The following MRPL30 variants were observed in gnomAD, a reference collection of about 807,000 sequenced individuals.
MRPL30 encodes large ribosomal subunit protein uL30m.
In MRPL30, 10 loss-of-function variants were observed where a neutral mutation model predicts 17.2. The ratio of observed to expected loss-of-function variants is 0.58; its 90% confidence interval spans 0.36 to 0.99. MRPL30 has a LOEUF of 0.99. Ranked by LOEUF, MRPL30 falls within the 50% of genes least tolerant of loss-of-function variation. The probability of loss-of-function intolerance (pLI) is 0.01; values close to 1 mark genes in which losing one functional copy is unlikely to be tolerated. For synonymous variants in MRPL30, 61 were observed against 62.1 expected, an observed-to-expected ratio of 0.98 and a Z score of 0.08; for missense variants, 170 against 189.8, an observed-to-expected ratio of 0.90 and a Z score of 0.61.
intron 1 of MRPL30, among the ~76,000 whole-genome samples, chr2:99,182,872 G>A (rs2093927611): frequency 6.6e-6 from 1 of 152,160 alleles, no homozygotes; most frequent in Admixed American, 6.5e-5. Context: ...CTTTTCCTAT[G>A]GAATTAGCGT....
At chr2:99,195,233 T>C (rs747484614) in intron 5 of MRPL30, 44 bp downstream of exon 5, 5 of 1,501,558 alleles carry the variant, frequency 3.3e-6, no homozygotes, top group Non-Finnish European at 4.5e-6. Context: ...TATTGCCTAG[T>C]GTAATTCTAA....
chr2:99,188,363 G>A, intron 3 of MRPL30, 106 bp downstream of exon 3: 1 of 784,916 alleles, frequency 1.3e-6, no homozygotes, highest in Non-Finnish European at 2.0e-6. Context: ...ATTATATGTG[G>A]ATGTAGGTGA....
intron 1 of MRPL30, among the ~76,000 whole-genome samples, chr2:99,185,547 AAT>A (rs1325353948): frequency 6.6e-6 from 1 of 152,220 alleles, no homozygotes; most frequent in Admixed American, 6.5e-5. Context: ...TTTTGTGTGT[AAT>A]TAAATAAATA....
intron 3 of MRPL30, among the ~76,000 whole-genome samples, chr2:99,192,876 A>C (rs1050037323): frequency 5.3e-5 from 8 of 152,230 alleles, no homozygotes; most frequent in African/African-American, 1.9e-4. Flanking sequence ...TAAAAACCTC[A>C]GAAGAAAACC....
chr2:99,195,517 G>T, intron 5 of MRPL30, 56 bp from the exon 6 acceptor site: 12 of 1,543,522 alleles, frequency 7.8e-6, no homozygotes, highest in South Asian at 1.2e-5. Flanking sequence ...ATCCTGCGGG[G>T]ATATAGAACG....
chr2:99,195,412 C>T, intron 5 of MRPL30, 161 bp from the exon 6 acceptor site: 13 of 899,152 alleles, frequency 1.4e-5, no homozygotes, highest in Non-Finnish European at 1.9e-5. Flanking sequence ...ATTGGCATAT[C>T]CATCATCTCA....
chr2:99,183,560 C>T (rs2093929320), intron 1 of MRPL30, among the ~76,000 whole-genome samples: 1 of 128,524 alleles, frequency 7.8e-6, no homozygotes, highest in African/African-American at 2.7e-5. Context: ...CAAAGCGAGA[C>T]TCTGTCTCAA....
chr2:99,185,124 A>C (rs986731083), intron 1 of MRPL30, among the ~76,000 whole-genome samples: 9 of 152,320 alleles, frequency 5.9e-5, no homozygotes, highest in African/African-American at 2.2e-4. Flanking sequence ...TGAACTGTGC[A>C]TGCAAGGGAT....
Position 99,186,228 on chromosome 2 carries a change from G to A in MRPL30, c.25G>A (p.Val9Ile), listed in dbSNP as rs2093933788. 1.3e-5 allele frequency: 21 copies of A among 1,614,076 alleles called. No individual in the cohort carries two copies. Among genetic ancestry groups the A allele is most frequent in the Non-Finnish European group, 1.6e-5 (19 of 1,179,972 alleles). Reference protein sequence around the residue: MAGILRLVVQWPPGRLQTV... With the variant: MAGILRLVIQWPPGRLQTV... ...TATGGCTGGGATTTTGCGCTTAGTA[G>A]TTCAATGGCCCCCAGGCAGACTACA... Residue 9 changes from valine to isoleucine, a missense_variant, in exon 2 of 6, where the codon GTT (valine) becomes ATT (isoleucine). Val to Ile is a conservative substitution (Grantham distance 29, BLOSUM62 3). Coordinates refer to ENST00000338148, the MANE Select transcript of MRPL30 (RefSeq NM_145212.4).
At chr2:99,190,365 G>GA (rs1177779768) in intron 3 of MRPL30, among the ~76,000 whole-genome samples, 3 of 152,062 alleles carry the variant, frequency 2.0e-5, no homozygotes, top group Non-Finnish European at 4.4e-5. Flanking sequence ...TTCAAGACCA[G>GA]CCTGGGCAAC....
At chr2:99,194,993 A>G (rs1449203414) in intron 4 of MRPL30, 96 bp downstream of exon 4, 1 of 1,360,232 alleles carries the variant, frequency 7.4e-7, no homozygotes, top group Non-Finnish European at 9.9e-7. Context: ...TTTATTTTGT[A>G]TTACTTAGGG....
rs568582414 is a variant in MRPL30, at chr2:99,195,731, A to AT, written c.*27dup. 9 of 1,605,304 alleles carry AT rather than the reference A, an allele frequency of 5.6e-6. No individual in the cohort carries two copies. The highest frequency in any genetic ancestry group is 7.6e-6 in the Non-Finnish European group (9 of 1,178,080). ...TGCCCCAGCAGCTTCCGATTGGAAAATGCAAATTGTTTTTATTTAAAGATG... is the reference window on the plus strand; with the variant it reads ...TGCCCCAGCAGCTTCCGATTGGAAAATTGCAAATTGTTTTTATTTAAAGATG... On this transcript the variant is annotated 3_prime_UTR_variant, in exon 6 of 6. Coordinates refer to ENST00000338148, the MANE Select transcript of MRPL30 (RefSeq NM_145212.4).
At chr2:99,186,680 T>C (rs1221681346) in intron 2 of MRPL30, among the ~76,000 whole-genome samples, 1 of 152,186 alleles carries the variant, frequency 6.6e-6, no homozygotes, top group Non-Finnish European at 1.5e-5. Context: ...TGCTGTTTTA[T>C]CCCTAAAGAT....
At chr2:99,181,977 A>G (rs893433625) in intron 1 of MRPL30, among the ~76,000 whole-genome samples, 1 of 151,750 alleles carries the variant, frequency 6.6e-6, no homozygotes, top group African/African-American at 2.4e-5. Context: ...TTCCTGTTGC[A>G]TGCATGCTCA....
intron 2 of MRPL30, among the ~76,000 whole-genome samples, 174 bp from the exon 3 acceptor site, chr2:99,188,003 C>T (rs2093936882): frequency 6.6e-6 from 1 of 152,038 alleles, no homozygotes; most frequent in South Asian, 2.1e-4. Context: ...ATGCTTTTAG[C>T]TTTATATTAT....
chr2:99,191,889 C>G (rs572082101), intron 3 of MRPL30, among the ~76,000 whole-genome samples: 6 of 152,132 alleles, frequency 3.9e-5, no homozygotes, highest in Non-Finnish European at 8.8e-5. Flanking sequence ...AACCACTTGC[C>G]TTTCCAAAAT....
intron 1 of MRPL30, among the ~76,000 whole-genome samples, chr2:99,184,136 T>G (rs2093930279): frequency 6.6e-6 from 1 of 152,272 alleles, no homozygotes; most frequent in African/African-American, 2.4e-5. Flanking sequence ...ACTTTGTTAC[T>G]TATTTTGTTG....
At chr2:99,187,827 CAAA>C (rs1045956887) in intron 2 of MRPL30, among the ~76,000 whole-genome samples, 1 of 130,984 alleles carries the variant, frequency 7.6e-6, no homozygotes, top group Non-Finnish European at 1.6e-5. Flanking sequence ...GACTCCGTCT[CAAA>C]AAAAAAAAAA....
intron 1 of MRPL30, among the ~76,000 whole-genome samples, chr2:99,184,210 T>A (rs140015460): frequency 1.4e-3 from 216 of 152,324 alleles, no homozygotes; most frequent in Admixed American, 2.9e-3. Context: ...CCCATCGTTA[T>A]GTTTTTTCCA....
Sources: allele counts gnomAD v4.1 joint callset (sites outside exome capture counted in the v4.1 genomes callset), GRCh38; gene constraint gnomAD v4.1.1; transcripts MANE v1.5; gene names NCBI Gene and HGNC (gene_info 2026-07-23, HGNC 2026-07-21).